MED12L: variants seen among roughly 807,000 people sequenced by gnomAD.
MED12L encodes mediator of RNA polymerase II transcription subunit 12-like protein.
A neutral mutation model predicts 281.3 loss-of-function variants in MED12L; 60 were observed. That is an observed-to-expected ratio of 0.21 (90% confidence interval 0.17 to 0.26). MED12L has a LOEUF of 0.26. MED12L is among the 10% of genes least tolerant of loss of function. The probability of loss-of-function intolerance (pLI) is 1.00; values close to 1 mark genes in which losing one functional copy is unlikely to be tolerated. For missense variants in MED12L, 2,146 were observed against 2,680.9 expected (o/e 0.80, Z 4.41); for synonymous variants, 974 against 987.2 (o/e 0.99, Z 0.25).
intron 16 of MED12L, among the ~76,000 whole-genome samples, chr3:151,233,867 T>C (rs2149340547): frequency 6.6e-6 from 1 of 152,392 alleles, no homozygotes; most frequent in East Asian, 1.9e-4. Flanking sequence ...TTGTGTGTTT[T>C]TTATTTCCTC....
intron 16 of MED12L, chr3:151,212,610 T>A (rs1274426330): frequency 6.6e-6 from 1 of 152,176 alleles, no homozygotes; most frequent in Non-Finnish European, 1.5e-5. Flanking sequence ...CCCAGGCTCA[T>A]TAAATGACGT....
At chr3:151,311,541 A>G (rs1333062787) in intron 16 of MED12L, among the ~76,000 whole-genome samples, 2 of 152,188 alleles carry the variant, frequency 1.3e-5, no homozygotes, top group African/African-American at 4.8e-5. Context: ...TAATATAGGC[A>G]TGTACCGTTT....
chr3:151,386,991 C>A (rs985376113), intron 36 of MED12L, among the ~76,000 whole-genome samples: 2 of 152,080 alleles, frequency 1.3e-5, no homozygotes, highest in South Asian at 4.1e-4. Flanking sequence ...ATTACAGACA[C>A]GAGCCACTGT....
intron 16 of MED12L, chr3:151,213,029 T>A (rs2149217388): frequency 5.0e-6 from 1 of 201,782 alleles, no homozygotes; most frequent in South Asian, 1.6e-4. Context: ...AACTTTAACT[T>A]ATTTTAATAT....
At chr3:151,126,469 A>G (rs556739078) in intron 4 of MED12L, among the ~76,000 whole-genome samples, 16 of 152,310 alleles carry the variant, frequency 1.1e-4, no homozygotes, top group East Asian at 7.7e-4. Context: ...TAAAAGAATG[A>G]GCTCTTAAAA....
At chr3:151,319,232 G>A (rs1748682081) in intron 16 of MED12L, among the ~76,000 whole-genome samples, 1 of 152,106 alleles carries the variant, frequency 6.6e-6, no homozygotes, top group Non-Finnish European at 1.5e-5. Context: ...CCAGCCCATA[G>A]CTTTATTATT....
intron 16 of MED12L, among the ~76,000 whole-genome samples, chr3:151,221,477 G>C (rs544815193): frequency 6.6e-6 from 1 of 152,322 alleles, no homozygotes; most frequent in Admixed American, 6.5e-5. Context: ...AGGAAAAAGT[G>C]GTTTCGTGGG....
At chr3:151,389,756 T>G (rs1178711265) in intron 37 of MED12L, among the ~76,000 whole-genome samples, 1 of 152,210 alleles carries the variant, frequency 6.6e-6, no homozygotes, top group African/African-American at 2.4e-5. Flanking sequence ...TTTCCATCTC[T>G]GCCCACTGCA....
intron 5 of MED12L, among the ~76,000 whole-genome samples, chr3:151,155,342 T>C (rs1719136954): frequency 6.6e-6 from 1 of 152,268 alleles, no homozygotes; most frequent in Non-Finnish European, 1.5e-5. Context: ...AACACACTGA[T>C]TTAATTTGTG....
intron 16 of MED12L, among the ~76,000 whole-genome samples, chr3:151,216,455 AAAT>A (rs1728239804): frequency 6.6e-6 from 1 of 152,238 alleles, no homozygotes; most frequent in Admixed American, 6.5e-5. Flanking sequence ...TCCACATAAA[AAAT>A]AGTACATCCA....
At chr3:151,268,854 T>C (rs548411861) in intron 16 of MED12L, among the ~76,000 whole-genome samples, 10 of 152,090 alleles carry the variant, frequency 6.6e-5, no homozygotes, top group Non-Finnish European at 1.3e-4. Context: ...TAGAGGAAAA[T>C]GTAAAATACC....
intron 32 of MED12L, among the ~76,000 whole-genome samples, chr3:151,382,260 A>G (rs984341597): frequency 6.6e-6 from 1 of 152,224 alleles, no homozygotes; most frequent in Non-Finnish European, 1.5e-5. Flanking sequence ...TACATTTGCT[A>G]GGGTTCAGCA....
At chr3:151,407,403 G>A (rs151137690) in intron 39 of MED12L, among the ~76,000 whole-genome samples, 2 of 152,212 alleles carry the variant, frequency 1.3e-5, no homozygotes, top group Non-Finnish European at 2.9e-5. Context: ...ATAAATAGTT[G>A]ATTTTTCTGT....
intron 43 of MED12L, among the ~76,000 whole-genome samples, chr3:151,424,777 G>A (rs1342909486): frequency 6.6e-6 from 1 of 152,218 alleles, no homozygotes; most frequent in African/African-American, 2.4e-5. Flanking sequence ...AGATGTGGCT[G>A]AGTGCATGCA....
intron 16 of MED12L, among the ~76,000 whole-genome samples, chr3:151,227,406 G>A (rs1193294047): frequency 6.6e-6 from 1 of 151,920 alleles, no homozygotes; most frequent in East Asian, 1.9e-4. Flanking sequence ...TTGATTATGT[G>A]TGAGAATGGT....
chr3:151,258,851 C>CAAA (rs63714361), intron 16 of MED12L, among the ~76,000 whole-genome samples: 3 of 89,910 alleles, frequency 3.3e-5, no homozygotes, highest in African/African-American at 4.7e-5. Flanking sequence ...GATTCTGTCT[C>CAAA]AAAAAAAAAA....
intron 43 of MED12L, among the ~76,000 whole-genome samples, chr3:151,421,609 C>A (rs1267885843): frequency 1.3e-5 from 2 of 152,058 alleles, no homozygotes; most frequent in Non-Finnish European, 2.9e-5. Flanking sequence ...TGGGGTTTCA[C>A]CATGTTGGCC....
At position 151,350,040 on chromosome 3, in the gene MED12L, T is replaced by C; in HGVS notation, c.2251-19T>C. On this transcript the variant is annotated intron_variant, in intron 16 of 44. Coordinates refer to ENST00000687756, the MANE Select transcript of MED12L (RefSeq NM_001393769.1). ...ACCCCTGCAGACAAGAGTTTCAGAA[T>C]GCATTTTCTGTTTTTCAGGATGAAT... The C allele has an allele frequency of 6.2e-7, 1 of 1,602,004 alleles. No individual in the cohort carries two copies. The highest frequency in any genetic ancestry group is 8.5e-7 in the Non-Finnish European group (1 of 1,172,150).
chr3:151,328,925 T>C lies in MED12L; in HGVS notation c.2251-21134T>C. 6.2e-7 allele frequency: 1 copy of C among 1,613,510 alleles called. No individual in the cohort carries two copies. The stretch of plus-strand genomic sequence containing the variant: ...TGTGTAGAGGGCTGGGAATACCAGC[T>C]GTACTATCCGAGTGTCTCTGGGGCA... On this transcript the variant is annotated intron_variant, in intron 16 of 44. Transcript: ENST00000687756.
Sources: gnomAD v4.1 joint callset for allele counts (sites outside exome capture counted in the v4.1 genomes callset) on GRCh38, gnomAD v4.1.1 for gene constraint, MANE v1.5 for transcripts, NCBI Gene and HGNC (gene_info 2026-07-23, HGNC 2026-07-21) for gene names.